The following RBMS3 variants were observed in gnomAD, a reference collection of about 807,000 sequenced individuals.
The protein encoded by RBMS3 is RNA binding motif single stranded interacting protein 3.
Under a neutral mutation model 66.8 loss-of-function variants are expected in RBMS3, and 27 were observed. That is an observed-to-expected ratio of 0.40 (90% CI 0.30 to 0.56). The LOEUF is 0.56. Among genes scored for constraint, RBMS3 ranks in the 20% least tolerant of loss-of-function variants. The pLI, the probability that RBMS3 is intolerant of heterozygous loss-of-function variation, is 0.40. For missense variants in RBMS3, 513 were observed against 549.5 expected (o/e 0.93, Z 0.66); for synonymous variants, 188 against 183.0 (o/e 1.03, Z -0.22).
chr3:29,456,120 A>G (rs2125770318), intron 2 of RBMS3, among the ~76,000 whole-genome samples: 1 of 152,350 alleles, frequency 6.6e-6, no homozygotes, highest in South Asian at 2.1e-4. Flanking sequence ...GATAGTCACC[A>G]TTTTATTTAA....
rs77638710 is a variant in RBMS3 at position 29,701,442 on chromosome 3, C to T, written c.400-38278C>T. Among the ~76,000 whole-genome samples the T allele has an allele frequency of 4.0e-3, 614 of 152,310 alleles. 16 individuals are homozygous for T. The highest frequency in any genetic ancestry group is 0.036 in the Admixed American group (554 of 15,300). On this transcript the variant is annotated intron_variant, in intron 4 of 14. Coordinates refer to ENST00000383767, the MANE Select transcript of RBMS3 (RefSeq NM_001003793.3). ...CCTGCTGGCAGCCCTCGCTCGCCCT[C>T]GGTGCCTCCTCAGCCTCAGGGCCCA...
At chr3:29,616,874 C>CA (rs1311139589) in intron 4 of RBMS3, 2 of 152,112 alleles carry the variant, frequency 1.3e-5, no homozygotes, top group Non-Finnish European at 2.9e-5. Context: ...ATAGTAAAGC[C>CA]AAAAAACCTG....
At chr3:29,404,313 T>C (rs1321125298) in intron 1 of RBMS3, among the ~76,000 whole-genome samples, 6 of 152,128 alleles carry the variant, frequency 3.9e-5, no homozygotes, top group Admixed American at 3.9e-4. Flanking sequence ...TTTGGGACAG[T>C]GGTTTACCCT....
intron 5 of RBMS3, among the ~76,000 whole-genome samples, chr3:29,747,534 C>A (rs947482831): frequency 1.3e-5 from 2 of 151,838 alleles, no homozygotes; most frequent in Non-Finnish European, 2.9e-5. Context: ...TGTACATACA[C>A]CCACAAAAAA....
At chr3:29,760,878 A>C (rs938605222) in intron 5 of RBMS3, among the ~76,000 whole-genome samples, 1 of 152,134 alleles carries the variant, frequency 6.6e-6, no homozygotes, top group African/African-American at 2.4e-5. Flanking sequence ...TTTATCTATT[A>C]AAATTGCATA....
At chr3:29,357,831 G>T (rs1419296167) in intron 1 of RBMS3, among the ~76,000 whole-genome samples, 1 of 152,078 alleles carries the variant, frequency 6.6e-6, no homozygotes, top group Non-Finnish European at 1.5e-5. Context: ...GTGTCTGTTG[G>T]CTGCATAAAT....
At chr3:29,533,681 G>T (rs2045448651) in intron 3 of RBMS3, among the ~76,000 whole-genome samples, 3 of 152,116 alleles carry the variant, frequency 2.0e-5, no homozygotes, top group African/African-American at 7.2e-5. Flanking sequence ...GGAGGCCAAG[G>T]CAGGGGAATC....
chr3:29,491,675 T>C (rs2043548987), intron 3 of RBMS3, among the ~76,000 whole-genome samples: 1 of 152,080 alleles, frequency 6.6e-6, no homozygotes, highest in Admixed American at 6.5e-5. Context: ...GAAAATCACT[T>C]AAAGAAAGGC....
At chr3:29,397,176 T>C (rs2039590394) in intron 1 of RBMS3, among the ~76,000 whole-genome samples, 1 of 152,154 alleles carries the variant, frequency 6.6e-6, no homozygotes, top group African/African-American at 2.4e-5. Context: ...AATGCATGTT[T>C]ATATACACAA....
intron 12 of RBMS3, among the ~76,000 whole-genome samples, chr3:29,956,068 C>T (rs571987583): frequency 1.3e-5 from 2 of 152,188 alleles, no homozygotes; most frequent in African/African-American, 4.8e-5. Context: ...TCAAATACTA[C>T]AAGAATTGAG....
intron 1 of RBMS3, among the ~76,000 whole-genome samples, chr3:29,303,193 T>C (rs2033792068): frequency 6.6e-6 from 1 of 152,068 alleles, no homozygotes; most frequent in African/African-American, 2.4e-5. Flanking sequence ...TATAGAATTT[T>C]ATAAAACTGA....
chr3:29,751,238 GTTTTAC>G (rs1361935513), intron 5 of RBMS3, among the ~76,000 whole-genome samples: 1 of 152,040 alleles, frequency 6.6e-6, no homozygotes, highest in African/African-American at 2.4e-5. Context: ...AGAAAACCAA[GTTTTAC>G]TTTTAGTGTG....
At chr3:29,440,201 A>G (rs2041564125) in intron 2 of RBMS3, among the ~76,000 whole-genome samples, 1 of 152,230 alleles carries the variant, frequency 6.6e-6, no homozygotes, top group Non-Finnish European at 1.5e-5. Context: ...TACAATGGAA[A>G]AAAATCATTA....
chr3:29,289,859 C>G (rs2032676389), intron 1 of RBMS3, among the ~76,000 whole-genome samples: 1 of 151,770 alleles, frequency 6.6e-6, no homozygotes. Context: ...ATTCAATATG[C>G]TAGATGCAAA....
intron 6 of RBMS3, among the ~76,000 whole-genome samples, chr3:29,785,083 T>G (rs1319127412): frequency 2.0e-5 from 3 of 152,032 alleles, no homozygotes; most frequent in Non-Finnish European, 4.4e-5. Context: ...CTGAATTTTA[T>G]CAGACATTCA....
chr3:29,534,114 A>G (rs2045465364), intron 3 of RBMS3, among the ~76,000 whole-genome samples: 2 of 152,204 alleles, frequency 1.3e-5, no homozygotes, highest in Non-Finnish European at 2.9e-5. Flanking sequence ...CTTAGGCTCC[A>G]ACTTCACATA....
chr3:29,631,333 A>G lies in RBMS3; in HGVS notation c.399+44128A>G, dbSNP rs559897233. Among the ~76,000 whole-genome samples, 4 of 152,014 alleles carry G rather than the reference A, an allele frequency of 2.6e-5. No individual in the cohort carries two copies. In the South Asian group the frequency reaches 6.2e-4, roughly 24 times the overall value. On this transcript the variant is annotated intron_variant, in intron 4 of 14. Transcript: ENST00000383767. Reference sequence around the variant, plus strand: ...TTCTTTTATTTGTCTCTAGACATGTACAATTTTGGTGCCATCATTTCATCT... The same window carrying G: ...TTCTTTTATTTGTCTCTAGACATGTGCAATTTTGGTGCCATCATTTCATCT...
intron 1 of RBMS3, among the ~76,000 whole-genome samples, chr3:29,411,797 C>T (rs890794123): frequency 6.6e-6 from 1 of 152,150 alleles, no homozygotes; most frequent in Non-Finnish European, 1.5e-5. Flanking sequence ...GGATCTTTTC[C>T]ATCACCACTC....
At chr3:29,865,018 G>T (rs2059320168) in intron 6 of RBMS3, among the ~76,000 whole-genome samples, 1 of 129,964 alleles carries the variant, frequency 7.7e-6, no homozygotes, top group African/African-American at 2.9e-5. Flanking sequence ...GAAGGGGAAG[G>T]GGAAGGAGAA....
Sources: gnomAD v4.1 joint callset for allele counts (sites outside exome capture counted in the v4.1 genomes callset) on GRCh38, gnomAD v4.1.1 for gene constraint, MANE v1.5 for transcripts, NCBI Gene and HGNC (gene_info 2026-07-23, HGNC 2026-07-21) for gene names.